LRMDA: variants seen among roughly 807,000 people sequenced by gnomAD.
The protein encoded by LRMDA is leucine rich melanocyte differentiation associated.
LRMDA carries 18 observed loss-of-function variants against 29.8 expected under a neutral mutation model. The ratio of observed to expected loss-of-function variants is 0.60; its 90% CI spans 0.42 to 0.90. LRMDA has a LOEUF of 0.90. Among genes scored for constraint, LRMDA ranks in the 40% least tolerant of loss-of-function variants. The pLI is 0.00. For synonymous variants in LRMDA, 125 were observed against 109.4 expected (o/e 1.14, Z -0.89); for missense variants, 273 against 273.9 (o/e 1.00, Z 0.02).
intron 5 of LRMDA, among the ~76,000 whole-genome samples, chr10:76,136,178 C>A (rs1475796046): frequency 2.6e-5 from 4 of 152,122 alleles, no homozygotes; most frequent in Non-Finnish European, 5.9e-5. Flanking sequence ...TACTAATTTA[C>A]AATTTATGAA....
intron 5 of LRMDA, among the ~76,000 whole-genome samples, chr10:76,129,025 T>A (rs1849937884): frequency 6.6e-6 from 1 of 152,206 alleles, no homozygotes; most frequent in South Asian, 2.1e-4. Context: ...AATACAATTT[T>A]AAAATATTGG....
chr10:76,468,950 C>T (rs770493492), intron 6 of LRMDA, among the ~76,000 whole-genome samples: 15 of 152,090 alleles, frequency 9.9e-5, no homozygotes, highest in African/African-American at 3.1e-4. Flanking sequence ...AGGCAAAGTG[C>T]GAGGAGCTCT....
At chr10:75,983,320 C>T (rs887569435) in intron 2 of LRMDA, among the ~76,000 whole-genome samples, 2 of 152,156 alleles carry the variant, frequency 1.3e-5, no homozygotes, top group South Asian at 4.1e-4. Flanking sequence ...GAAAGTCTTT[C>T]TTCATTTCTC....
At chr10:76,028,363 ATC>A (rs2132498593) in intron 2 of LRMDA, among the ~76,000 whole-genome samples, 1 of 152,256 alleles carries the variant, frequency 6.6e-6, no homozygotes. Context: ...AGGGTGTTAA[ATC>A]TTAGACTGTT....
At chr10:75,894,189 T>TC (rs906360790) in intron 2 of LRMDA, among the ~76,000 whole-genome samples, 53 of 151,608 alleles carry the variant, frequency 3.5e-4, no homozygotes, top group African/African-American at 1.2e-3. Flanking sequence ...CTCCCACTCT[T>TC]CCCCCCAAGT....
intron 5 of LRMDA, among the ~76,000 whole-genome samples, chr10:76,118,377 G>T: frequency 6.6e-6 from 1 of 152,174 alleles, no homozygotes; most frequent in East Asian, 1.9e-4. Flanking sequence ...GCAGAGACAT[G>T]TTTGAGAACT....
intron 5 of LRMDA, among the ~76,000 whole-genome samples, chr10:76,268,252 T>C (rs1453618460): frequency 6.6e-6 from 1 of 152,202 alleles, no homozygotes; most frequent in Non-Finnish European, 1.5e-5. Flanking sequence ...TAATCAGCTG[T>C]GTGATCTTGA....
chr10:75,594,716 G>T (rs1040783446), intron 2 of LRMDA, among the ~76,000 whole-genome samples: 1 of 152,130 alleles, frequency 6.6e-6, no homozygotes, highest in African/African-American at 2.4e-5. Context: ...GCGAGACAGC[G>T]TTTGTTAAAT....
At chr10:75,660,351 G>T (rs1046936223) in intron 2 of LRMDA, among the ~76,000 whole-genome samples, 1 of 152,136 alleles carries the variant, frequency 6.6e-6, no homozygotes, top group African/African-American at 2.4e-5. Flanking sequence ...TGAAACTTGC[G>T]AATTAGATAT....
intron 6 of LRMDA, among the ~76,000 whole-genome samples, chr10:76,526,094 T>C (rs986592715): frequency 6.6e-6 from 1 of 152,128 alleles, no homozygotes; most frequent in Non-Finnish European, 1.5e-5. Context: ...GCACATTGGC[T>C]ATTTGATGAT....
intron 5 of LRMDA, among the ~76,000 whole-genome samples, chr10:76,089,602 G>A (rs1313723628): frequency 4.6e-5 from 7 of 152,202 alleles, no homozygotes; most frequent in South Asian, 4.2e-4. Context: ...GCTTGGAGGC[G>A]ACAGCTCTGC....
At chr10:76,190,786 C>T (rs566222180) in intron 5 of LRMDA, among the ~76,000 whole-genome samples, 1 of 152,178 alleles carries the variant, frequency 6.6e-6, no homozygotes, top group African/African-American at 2.4e-5. Flanking sequence ...TGTCAACAAA[C>T]ATTAATAGGC....
intron 2 of LRMDA, among the ~76,000 whole-genome samples, chr10:75,806,790 T>C (rs966291025): frequency 1.4e-5 from 2 of 147,626 alleles, no homozygotes; most frequent in Non-Finnish European, 3.0e-5. Flanking sequence ...AGTTGATTTA[T>C]TTTAAACACT....
chr10:76,365,107 T>TATATACACACACAC lies in LRMDA; in HGVS notation c.601+40623_601+40624insTATACACACACACA, dbSNP rs141131236. Among the ~76,000 whole-genome samples, 34 of 61,254 alleles carry TATATACACACACAC rather than the reference T, an allele frequency of 5.6e-4. 1 individual carries two copies. The highest frequency in any genetic ancestry group is 2.1e-3 in the South Asian group (5 of 2,376). The allele number at this position is 61,254 out of a possible 152,430, so 40.2% of individuals were successfully genotyped here. A position where few individuals can be genotyped will look rare whatever the true frequency, so the allele number is the denominator to read the frequency against. On this transcript the variant is annotated intron_variant, in intron 6 of 6. Transcript: ENST00000611255. ...ACACATATATATATATATATATATA[T>TATATACACACACAC]ACACACACACACATACACACCACAG...
At chr10:76,129,633 C>G (rs921244021) in intron 5 of LRMDA, among the ~76,000 whole-genome samples, 1 of 152,190 alleles carries the variant, frequency 6.6e-6, no homozygotes, top group African/African-American at 2.4e-5. Context: ...TTTTGCTAAA[C>G]CAGGCTTGTT....
At chr10:76,001,951 G>A (rs960956502) in intron 2 of LRMDA, among the ~76,000 whole-genome samples, 1 of 152,012 alleles carries the variant, frequency 6.6e-6, no homozygotes, top group Non-Finnish European at 1.5e-5. Flanking sequence ...TGACCCTGAG[G>A]GCTCAAGAAG....
intron 2 of LRMDA, among the ~76,000 whole-genome samples, chr10:75,777,932 A>T (rs1002023236): frequency 6.6e-6 from 1 of 152,158 alleles, no homozygotes; most frequent in Admixed American, 6.5e-5. Context: ...TATAATGTAT[A>T]ATTTATATAT....
chr10:76,469,541 GT>G (rs1230505523), intron 6 of LRMDA, among the ~76,000 whole-genome samples: 3 of 152,096 alleles, frequency 2.0e-5, no homozygotes. Context: ...TGGCTTGGAG[GT>G]TTTTCTCAGT....
chr10:76,546,601 C>T lies in LRMDA; in HGVS notation c.602-10608C>T, dbSNP rs558283014. The stretch of plus-strand genomic sequence containing the variant: ...CTCACTGACCACTTGAGAGGCCTCT[C>T]GGCTGAAATGGAGAATAACACCTGG... On this transcript the variant is annotated intron_variant, in intron 6 of 6. Transcript: ENST00000611255. Among the ~76,000 whole-genome samples, 21 of 152,288 alleles carry T rather than the reference C, an allele frequency of 1.4e-4. No homozygotes were observed. The South Asian group carries it at 3.9e-3, about 29-fold the overall frequency.
Sources: gnomAD v4.1 joint callset for allele counts (sites outside exome capture counted in the v4.1 genomes callset) on GRCh38, gnomAD v4.1.1 for gene constraint, MANE v1.5 for transcripts, NCBI Gene and HGNC (gene_info 2026-07-23, HGNC 2026-07-21) for gene names.